The following SASH1 variants were observed in gnomAD, a reference collection of about 807,000 sequenced individuals.
The protein encoded by SASH1 is SAM and SH3 domain-containing protein 1.
In SASH1, 44 loss-of-function variants were observed where a neutral mutation model predicts 125.2. The observed-to-expected ratio is 0.35, with a 90% confidence interval of 0.28 to 0.45. The LOEUF (loss-of-function observed/expected upper bound fraction) is 0.45. Among genes scored for constraint, SASH1 ranks in the 20% least tolerant of loss-of-function variants. SASH1 has a pLI of 1.00. For synonymous variants in SASH1, 639 were observed against 649.1 expected, an observed-to-expected ratio of 0.98 and a Z score of 0.24; for missense variants, 1,426 against 1,614.5, an observed-to-expected ratio of 0.88 and a Z score of 2.00.
At chr6:148,348,732 A>G (rs905542878) in intron 1 of SASH1, among the ~76,000 whole-genome samples, 6 of 152,224 alleles carry the variant, frequency 3.9e-5, no homozygotes, top group African/African-American at 1.4e-4. Context: ...AACTGTGTAT[A>G]GTTCATTCTT....
intron 1 of SASH1, among the ~76,000 whole-genome samples, chr6:148,276,669 A>G (rs566149502): frequency 6.6e-6 from 1 of 152,332 alleles, no homozygotes; most frequent in African/African-American, 2.4e-5. Context: ...CACCACTGGG[A>G]AATTGCACTT....
rs143000015 is a variant in SASH1 at position 148,472,279 on chromosome 6, C to T, written c.514+776C>T. On this transcript the variant is annotated intron_variant, in intron 6 of 19. Transcript: ENST00000367467. ...GAACGTCTGTCTAATTATCAGTACG[C>T]GTGGAAATGAGAAAAACGGATGTGA... 5.0e-4 allele frequency among the ~76,000 whole-genome samples: 76 copies of T among 152,136 alleles called. 1 individual carries two copies. In the East Asian group the frequency reaches 0.014, roughly 27 times the overall value.
chr6:148,387,905 A>ATT (rs71004291), intron 1 of SASH1, among the ~76,000 whole-genome samples: 11,757 of 54,150 alleles, frequency 0.22, 2,185 homozygotes, highest in Non-Finnish European at 0.23. Flanking sequence ...CGCCCTGCTA[A>ATT]TTTTTTTTTT....
the SASH1 span, among the ~76,000 whole-genome samples, chr6:148,216,976 C>T: frequency 6.6e-6 from 1 of 152,142 alleles, no homozygotes; most frequent in African/African-American, 2.4e-5. Context: ...ATCATCCTGC[C>T]TCGGCTTCCC....
At chr6:148,471,019 C>T (rs545905128) in intron 5 of SASH1, among the ~76,000 whole-genome samples, 2 of 152,164 alleles carry the variant, frequency 1.3e-5, no homozygotes, top group East Asian at 3.9e-4. Context: ...ACCAAGTGAA[C>T]TTCTTAAAAT....
At chr6:148,271,202 G>A (rs1023801101), upstream of SASH1, among the ~76,000 whole-genome samples, 20 of 152,088 alleles carry the variant, frequency 1.3e-4, no homozygotes, top group African/African-American at 4.6e-4. Flanking sequence ...GAGCCACCGC[G>A]CCCAGCTCAT....
chr6:148,440,320 G>T (rs2272998), intron 3 of SASH1, 38 bp from the exon 4 acceptor site: 4 of 1,611,840 alleles, frequency 2.5e-6, no homozygotes, highest in Non-Finnish European at 3.4e-6. Flanking sequence ...GAAGCCTGCT[G>T]CTCTGACCAC....
At chr6:148,203,849 G>C in the SASH1 span, among the ~76,000 whole-genome samples, 1 of 152,110 alleles carries the variant, frequency 6.6e-6, no homozygotes, top group Admixed American at 6.5e-5. Context: ...TATCACAAAA[G>C]CTCACTTTGC....
rs367796404 is a variant in SASH1, at chr6:148,343,124, G to C, written c.57G>C (p.Pro19=). The C allele has an allele frequency of 5.0e-6, 7 of 1,389,020 alleles. No individual in the cohort carries two copies. Among genetic ancestry groups the C allele is most frequent in the Non-Finnish European group, 7.1e-6 (7 of 989,360 alleles). The allele number at this position is 1,389,020 out of a possible 1,614,324, so 86.0% of individuals were successfully genotyped here. A position where few individuals can be genotyped will look rare whatever the true frequency, so the allele number is the denominator to read the frequency against. The change falls in exon 1 of 20, where the codon CCG becomes CCC. Residue 19 remains proline, a synonymous_variant. Transcript: ENST00000367467. The part of the protein sequence containing the change: ...PGPEPEPEPE[P]EPEPAPEPEP... Reference sequence around the variant, plus strand: ...CGGAGCCTGAGCCCGAGCCCGAGCCGGAGCCCGAGCCCGCGCCGGAGCCGG... The same window carrying C: ...CGGAGCCTGAGCCCGAGCCCGAGCCCGAGCCCGAGCCCGCGCCGGAGCCGG...
At chr6:148,298,802 A>G (rs1467681811) in intron 1 of SASH1, among the ~76,000 whole-genome samples, 3 of 107,130 alleles carry the variant, frequency 2.8e-5, no homozygotes, top group Non-Finnish European at 5.7e-5. Flanking sequence ...AAAGAAAAAG[A>G]GAAAGAAAAA....
Position 148,529,293 on chromosome 6 carries a change from A to G in SASH1, c.1428+1697A>G, listed in dbSNP as rs1016957718. Reference sequence around the variant, plus strand: ...GCATGCACAGGACGGTCTGCACAGCAAAGAGCTGTCCATCAAAATGATCAG... The same window carrying G: ...GCATGCACAGGACGGTCTGCACAGCGAAGAGCTGTCCATCAAAATGATCAG... On this transcript the variant is annotated intron_variant, in intron 12 of 19. Transcript: ENST00000367467. This position sits in a 1 kb window ranked among gnomAD's most constrained non-coding sequence, Gnocchi z 4.2. Among the ~76,000 whole-genome samples the G allele has an allele frequency of 9.9e-5, 15 of 152,220 alleles. No homozygotes were observed. The highest frequency in any genetic ancestry group is 3.6e-4 in the African/African-American group (15 of 41,458).
chr6:148,528,183 C>T (rs1781305025), intron 12 of SASH1, among the ~76,000 whole-genome samples: 4 of 152,148 alleles, frequency 2.6e-5, no homozygotes. Context: ...TTTTTCCCCC[C>T]TGGATCTATA....
chr6:148,326,371 TA>T (rs1562326306), intron 1 of SASH1, among the ~76,000 whole-genome samples: 12 of 74,492 alleles, frequency 1.6e-4, no homozygotes, highest in East Asian at 6.5e-4. Flanking sequence ...TATATATATA[TA>T]TACATTCTTT....
chr6:148,358,874 T>C (rs796683198), intron 1 of SASH1, among the ~76,000 whole-genome samples: 2 of 151,764 alleles, frequency 1.3e-5, no homozygotes, highest in South Asian at 4.2e-4. Context: ...TAGCTGGGAC[T>C]ACAAGCACCC....
intron 2 of SASH1, among the ~76,000 whole-genome samples, chr6:148,399,995 T>C (rs1387637789): frequency 6.6e-6 from 1 of 152,252 alleles, no homozygotes; most frequent in Non-Finnish European, 1.5e-5. Context: ...GTATAATTTA[T>C]TTAGGCTAAT....
At position 148,326,359 on chromosome 6, in the gene SASH1, C is replaced by T. The variant is rs9390557; in HGVS notation, n.74+53982C>T. Among the ~76,000 whole-genome samples, 90 of 14,518 alleles carry T rather than the reference C, an allele frequency of 6.2e-3. 1 individual carries two copies. Among genetic ancestry groups the T allele is most frequent in the Admixed American group, 0.012 (11 of 908 alleles). The allele number at this position is 14,518 out of a possible 152,430, so 9.5% of individuals were successfully genotyped here. ...ATATATATATATATATATATATATG[C>T]ATATATATATATATACATTCTTTTC... On this transcript the variant is annotated intron_variant and non_coding_transcript_variant, in intron 1 of 3. Transcript: ENST00000367469.
chr6:148,512,481 G>C, intron 8 of SASH1: 4 of 985,316 alleles, frequency 4.1e-6, no homozygotes, highest in Non-Finnish European at 4.8e-6. Context: ...TCAGGTGCTT[G>C]TTACCCAGAA....
At chr6:148,372,454 T>C (rs1782737066) in intron 1 of SASH1, among the ~76,000 whole-genome samples, 1 of 152,180 alleles carries the variant, frequency 6.6e-6, no homozygotes, top group African/African-American at 2.4e-5. Context: ...CAGGATGATA[T>C]ACATGCATAA....
intron 1 of SASH1, among the ~76,000 whole-genome samples, chr6:148,380,536 C>T (rs762083563): frequency 2.6e-5 from 4 of 152,186 alleles, no homozygotes; most frequent in Admixed American, 1.3e-4. Context: ...ATTATCTGTG[C>T]TGCTTTTCAA....
Sources: gnomAD v4.1 joint callset for allele counts (sites outside exome capture counted in the v4.1 genomes callset) on GRCh38, gnomAD v4.1.1 for gene constraint, Gnocchi (gnomAD v3.1) non-coding constraint, MANE v1.5 for transcripts, NCBI Gene and HGNC (gene_info 2026-07-23, HGNC 2026-07-21) for gene names.